SSBP2: variants seen among roughly 807,000 people sequenced by gnomAD.
SSBP2 encodes single stranded DNA binding protein 2.
SSBP2 carries 17 observed loss-of-function variants against 61.8 expected under a neutral mutation model. The observed-to-expected ratio is 0.28, with a 90% CI of 0.19 to 0.41. SSBP2 has a LOEUF of 0.41. Among genes scored for constraint, SSBP2 ranks in the 10% least tolerant of loss-of-function variants. The pLI is 1.00. For synonymous variants in SSBP2, 139 were observed against 141.3 expected, an observed-to-expected ratio of 0.98 and a Z score of 0.12; for missense variants, 310 against 458.7, an observed-to-expected ratio of 0.68 and a Z score of 2.96.
intron 5 of SSBP2, among the ~76,000 whole-genome samples, chr5:81,511,424 C>T (rs537855605): frequency 6.6e-6 from 1 of 152,214 alleles, no homozygotes; most frequent in African/African-American, 2.4e-5. Context: ...TCTGATGGCT[C>T]CTACTGAATA....
chr5:81,680,270 A>G (rs1390325258), intron 1 of SSBP2, among the ~76,000 whole-genome samples: 2 of 149,434 alleles, frequency 1.3e-5, no homozygotes, highest in East Asian at 1.9e-4. Flanking sequence ...CCTCATAATA[A>G]TAAATATGCA....
intron 1 of SSBP2, among the ~76,000 whole-genome samples, chr5:81,650,929 A>C (rs57679797): frequency 0.024 from 3,695 of 152,242 alleles, 158 homozygotes; most frequent in African/African-American, 0.084. Flanking sequence ...AACTTTAAAG[A>C]TATCAGATCA....
chr5:81,482,522 G>A (rs10474031), intron 6 of SSBP2, among the ~76,000 whole-genome samples: 68,397 of 152,046 alleles, frequency 0.45, 19,580 homozygotes, highest in African/African-American at 0.82. Context: ...TTGAGTGTAT[G>A]TGTTCTGGAG....
intron 3 of SSBP2, among the ~76,000 whole-genome samples, chr5:81,630,759 TAAAA>T (rs76949986): frequency 7.6e-6 from 1 of 130,892 alleles, no homozygotes; most frequent in Non-Finnish European, 1.6e-5. Context: ...CAGCTAAGGT[TAAAA>T]AAAAAAAAAA....
chr5:81,436,991 G>C (rs1762713178), intron 15 of SSBP2, among the ~76,000 whole-genome samples: 1 of 152,100 alleles, frequency 6.6e-6, no homozygotes, highest in Non-Finnish European at 1.5e-5. Flanking sequence ...TCCTAATGAA[G>C]ATTTGCAAGA....
rs903204665 is a variant in SSBP2 at position 81,489,341 on chromosome 5, C to CA, written c.373-33dup. 8 of 1,553,464 alleles carry CA rather than the reference C, an allele frequency of 5.1e-6. No individual in the cohort carries two copies. The East Asian group carries it at 6.8e-5, about 13-fold the overall frequency. ...AAGTAAAACAAATAAACAAACAAAA[C>CA]AAAAAACAGTACAATGTAAAATACA... On this transcript the variant is annotated intron_variant, in intron 5 of 16. Transcript: ENST00000320672.
chr5:81,584,213 G>C (rs1397749204), intron 4 of SSBP2, among the ~76,000 whole-genome samples: 1 of 152,110 alleles, frequency 6.6e-6, no homozygotes, highest in East Asian at 1.9e-4. Flanking sequence ...TCGTCTAGAT[G>C]TTTTCCAAGA....
At chr5:81,444,546 G>A (rs943334232) in intron 12 of SSBP2, among the ~76,000 whole-genome samples, 8 of 152,240 alleles carry the variant, frequency 5.3e-5, no homozygotes, top group East Asian at 1.9e-4. Context: ...GGAAAGGACC[G>A]TGTCTTACTC....
Position 81,550,729 on chromosome 5 carries a change from T to C in SSBP2, c.283-37012A>G, listed in dbSNP as rs531576762. ...GCCTTGTTTGTATTCTATGGAATCA[T>C]AGATAAGAACTTACCAAACTAATTC... On this transcript the variant is annotated intron_variant, in intron 4 of 16. Coordinates refer to ENST00000320672, the MANE Select transcript of SSBP2 (RefSeq NM_012446.5). Among the ~76,000 whole-genome samples, 5 of 152,344 alleles carry C rather than the reference T, an allele frequency of 3.3e-5. 1 individual carries two copies. The highest frequency in any genetic ancestry group is 2.1e-4 in the South Asian group (1 of 4,828).
chr5:81,650,227 A>G (rs371105564), intron 2 of SSBP2, 40 bp downstream of exon 2: 16 of 1,359,584 alleles, frequency 1.2e-5, no homozygotes, highest in African/African-American at 7.4e-5. Flanking sequence ...ATTCATTTAT[A>G]TAAGATCAAA....
intron 1 of SSBP2, among the ~76,000 whole-genome samples, chr5:81,720,330 T>C (rs563904775): frequency 6.6e-6 from 1 of 152,308 alleles, no homozygotes; most frequent in East Asian, 1.9e-4. Flanking sequence ...TCATTCCAAA[T>C]GGTCTTCCCT....
At chr5:81,656,161 C>T (rs1205769769) in intron 1 of SSBP2, among the ~76,000 whole-genome samples, 1 of 152,108 alleles carries the variant, frequency 6.6e-6, no homozygotes, top group African/African-American at 2.4e-5. Context: ...AAGTGAATCA[C>T]CTACCTCAGC....
chr5:81,469,196 T>C (rs1765087911), intron 8 of SSBP2, among the ~76,000 whole-genome samples: 2 of 151,952 alleles, frequency 1.3e-5, no homozygotes, highest in African/African-American at 4.8e-5. Context: ...TCTCTCTGTG[T>C]GTGATCTTGG....
At chr5:81,656,793 A>AAAAACTTT (rs1165621903) in intron 1 of SSBP2, among the ~76,000 whole-genome samples, 2 of 152,136 alleles carry the variant, frequency 1.3e-5, no homozygotes, top group African/African-American at 4.8e-5. Flanking sequence ...TGAATGTAGC[A>AAAAACTTT]AAAACTTTAA....
At chr5:81,549,779 C>T (rs1772032076) in intron 4 of SSBP2, among the ~76,000 whole-genome samples, 1 of 152,166 alleles carries the variant, frequency 6.6e-6, no homozygotes, top group African/African-American at 2.4e-5. Context: ...ATACAATTTG[C>T]TATGTTTGAG....
Position 81,453,557 on chromosome 5 carries a change from C to G in SSBP2, c.688-4732G>C, listed in dbSNP as rs574942522. Among the ~76,000 whole-genome samples the G allele has an allele frequency of 1.5e-4, 23 of 151,150 alleles. 1 individual carries two copies. The East Asian group carries it at 4.5e-3, about 30-fold the overall frequency. On this transcript the variant is annotated intron_variant, in intron 10 of 16. Coordinates refer to ENST00000320672, the MANE Select transcript of SSBP2 (RefSeq NM_012446.5). ...CTGCAGGCTCCGCCCCCCGGGTTCA[C>G]GCCATTCTCTTGCCTCAGCCTCCCG...
intron 4 of SSBP2, among the ~76,000 whole-genome samples, chr5:81,537,941 T>C (rs917094125): frequency 6.6e-6 from 1 of 152,004 alleles, no homozygotes; most frequent in Non-Finnish European, 1.5e-5. Context: ...AAGCTAAAAA[T>C]GACAATAATA....
rs1761490301 is a variant in SSBP2, at chr5:81,419,876, C to T, written c.*628G>A. The T allele has an allele frequency of 6.6e-6, 1 of 152,176 alleles. No homozygotes were observed. The highest frequency in any genetic ancestry group is 2.1e-4 in the South Asian group (1 of 4,830). 9.4% of individuals were successfully genotyped at this position (152,176 alleles called of 1,614,324 possible). ...CATAAAGACGAAGACACATTTTCTTCTATTTTTTGAGACAGTACACTTTGT... is the reference window on the plus strand; with the variant it reads ...CATAAAGACGAAGACACATTTTCTTTTATTTTTTGAGACAGTACACTTTGT... On this transcript the variant is annotated 3_prime_UTR_variant, in exon 17 of 17. Transcript: ENST00000320672.
chr5:81,437,818 A>G (rs1289190859), intron 14 of SSBP2: 1 of 153,506 alleles, frequency 6.5e-6, no homozygotes, highest in African/African-American at 2.4e-5. Context: ...ATCTACATAT[A>G]TTTTTTGAAA....
Sources: gnomAD v4.1 joint callset for allele counts (sites outside exome capture counted in the v4.1 genomes callset) on GRCh38, gnomAD v4.1.1 for gene constraint, MANE v1.5 for transcripts, NCBI Gene and HGNC (gene_info 2026-07-23, HGNC 2026-07-21) for gene names.